TM2D3: variants seen among roughly 807,000 people sequenced by gnomAD.
The protein encoded by TM2D3 is TM2 domain containing 3, also known as TM2 domain-containing protein 3.
Under a neutral mutation model 27.3 loss-of-function variants are expected in TM2D3, and 33 were observed. The observed-to-expected ratio is 1.21, with a 90% CI of 0.92 to 1.61. The LOEUF is 1.61. TM2D3 is among the 40% of genes most tolerant of loss of function. TM2D3 has a pLI of 0.00. For missense variants in TM2D3, 364 were observed against 320.8 expected, an observed-to-expected ratio of 1.13 and a Z score of -1.03; for synonymous variants, 138 against 122.2, an observed-to-expected ratio of 1.13 and a Z score of -0.85.
intron 2 of TM2D3, 102 bp from the exon 3 acceptor site, chr15:101,650,263 C>A (rs1896934738): frequency 8.3e-7 from 1 of 1,199,730 alleles, no homozygotes; most frequent in South Asian, 1.6e-5. Context: ...CAAGTAGACA[C>A]TGCACTGGAA....
intron 2 of TM2D3, 134 bp from the exon 3 acceptor site, chr15:101,650,295 G>A (rs1896935890): frequency 1.2e-6 from 1 of 845,362 alleles, no homozygotes; most frequent in Non-Finnish European, 1.8e-6. Context: ...TGGGACTGGA[G>A]TCAGAGACAC....
chr15:101,642,478 G>A lies in TM2D3; in HGVS notation c.*1C>T, dbSNP rs754621554. 24 of 1,607,110 alleles carry A rather than the reference G, an allele frequency of 1.5e-5. No homozygotes were observed. Among genetic ancestry groups the A allele is most frequent in the East Asian group, 2.2e-5 (1 of 44,568 alleles). ...GCTCCTTTCTGAAGCACACACCACA[G>A]CTAAATGTACAAAGAGCCATCTGCT... On this transcript the variant is annotated 3_prime_UTR_variant, in exon 6 of 6. Coordinates refer to ENST00000333202, the MANE Select transcript of TM2D3 (RefSeq NM_078474.3).
chr15:101,633,859 A>G, intron 4 of TM2D3: 1 of 728,834 alleles, frequency 1.4e-6, no homozygotes, highest in Non-Finnish European at 2.1e-6. Flanking sequence ...GATTGAGAAG[A>G]GATGATCAAA....
downstream of TM2D3, among the ~76,000 whole-genome samples, chr15:101,639,341 G>C (rs1185111898): frequency 6.6e-6 from 1 of 151,278 alleles, no homozygotes; most frequent in Non-Finnish European, 1.5e-5. Context: ...GGAAGCTTTA[G>C]AGCAGGAGCG....
chr15:101,638,310 T>G (rs1567309001), downstream of TM2D3, among the ~76,000 whole-genome samples: 6 of 151,820 alleles, frequency 4.0e-5, no homozygotes. Context: ...TTTTTTTTTT[T>G]GGAGACAGAG....
intron 4 of TM2D3, chr15:101,645,764 C>G (rs1173072385): frequency 6.6e-6 from 1 of 151,054 alleles, no homozygotes; most frequent in Non-Finnish European, 1.5e-5. Flanking sequence ...CTAATAACTT[C>G]CAGTAATTAT....
chr15:101,638,316 CAG>C (rs1466770134), downstream of TM2D3, among the ~76,000 whole-genome samples: 1 of 150,200 alleles, frequency 6.7e-6, no homozygotes, highest in Non-Finnish European at 1.5e-5. Context: ...TTTTTGGAGA[CAG>C]AGTTTCGCTC....
At chr15:101,651,900 C>A in intron 1 of TM2D3, 127 bp from the exon 2 acceptor site, 1 of 953,792 alleles carries the variant, frequency 1.0e-6, no homozygotes, top group South Asian at 1.3e-5. Flanking sequence ...CACGGCTGGT[C>A]AGCCAGAAAA....
chr15:101,646,317 T>A (rs944502959), intron 4 of TM2D3: 1 of 171,528 alleles, frequency 5.8e-6, no homozygotes, highest in Non-Finnish European at 1.3e-5. Context: ...ACAATAAAAC[T>A]ACAGAAAAAA....
chr15:101,648,764 C>T (rs1426294921), intron 3 of TM2D3, among the ~76,000 whole-genome samples: 2 of 152,218 alleles, frequency 1.3e-5, no homozygotes, highest in Non-Finnish European at 1.5e-5. Flanking sequence ...TACACGTGTA[C>T]CATAAATTAA....
Position 101,650,241 on chromosome 15 carries a change from C to T in TM2D3, c.170-80G>A, listed in dbSNP as rs1896933857. 8 of 1,423,072 alleles carry T rather than the reference C, an allele frequency of 5.6e-6. 1 individual carries two copies. Among genetic ancestry groups the T allele is most frequent in the South Asian group, 5.3e-5 (4 of 75,506 alleles). The allele number at this position is 1,423,072 out of a possible 1,614,324, so 88.2% of individuals were successfully genotyped here. A position where few individuals can be genotyped will look rare whatever the true frequency, so the allele number is the denominator to read the frequency against. On this transcript the variant is annotated intron_variant, in intron 2 of 5. Coordinates refer to ENST00000333202, the MANE Select transcript of TM2D3 (RefSeq NM_078474.3). ...AGAACAATCTTCTAAGGTTAAGAGA[C>T]GTGATCATTAGCAAGTAGACACTGC... is the stretch of plus-strand genomic sequence containing the variant.
intron 5 of TM2D3, among the ~76,000 whole-genome samples, chr15:101,644,121 C>T (rs1333755306): frequency 6.6e-6 from 1 of 152,212 alleles, no homozygotes; most frequent in Non-Finnish European, 1.5e-5. Flanking sequence ...GCTGGGATTA[C>T]AGGTGTGAGC....
At chr15:101,649,286 A>G (rs1896905141) in intron 3 of TM2D3, among the ~76,000 whole-genome samples, 8 of 151,502 alleles carry the variant, frequency 5.3e-5, no homozygotes, top group Admixed American at 5.3e-4. Context: ...CTAGTTTGCC[A>G]TGTCTTTTGC....
At position 101,645,320 on chromosome 15, in the gene TM2D3, T is replaced by C. The variant is rs375324715; in HGVS notation, c.503-158A>G. The stretch of plus-strand genomic sequence containing the variant: ...GAGTACAAAGCGCTTACCATCTATC[T>C]ACATAGATGTAATATTTAAATCAGC... On this transcript the variant is annotated intron_variant, in intron 4 of 5. Coordinates refer to ENST00000333202, the MANE Select transcript of TM2D3 (RefSeq NM_078474.3). The C allele has an allele frequency of 9.7e-6, 6 of 618,940 alleles. 1 individual carries two copies. 38.3% of individuals were successfully genotyped at this position (618,940 alleles called of 1,614,324 possible).
intron 1 of TM2D3, 79 bp from the exon 2 acceptor site, chr15:101,651,852 G>C: frequency 2.7e-6 from 4 of 1,461,074 alleles, no homozygotes; most frequent in East Asian, 2.3e-5. Context: ...TTAACACGGC[G>C]GGTCTACACC....
chr15:101,647,956 G>A (rs1245749058), intron 3 of TM2D3, among the ~76,000 whole-genome samples: 2 of 151,862 alleles, frequency 1.3e-5, no homozygotes, highest in East Asian at 3.9e-4. Flanking sequence ...GGAATGCGGT[G>A]GTGCAATCTC....
chr15:101,634,566 T>G (rs1483503354), intron 4 of TM2D3: 1 of 152,106 alleles, frequency 6.6e-6, no homozygotes, highest in Non-Finnish European at 1.5e-5. Flanking sequence ...GATAGAAAAA[T>G]GCTGAAAAAT....
At chr15:101,638,893 T>C (rs141752242), downstream of TM2D3, among the ~76,000 whole-genome samples, 436 of 152,260 alleles carry the variant, frequency 2.9e-3, 1 homozygote, top group African/African-American at 0.01. Context: ...TTTTAGGTGT[T>C]TAGCTTACTC....
intron 2 of TM2D3, chr15:101,651,128 ATC>A (rs1896955586): frequency 6.5e-6 from 1 of 152,890 alleles, no homozygotes; most frequent in Admixed American, 6.5e-5. Flanking sequence ...ACTCTTTTTG[ATC>A]CCGTGACTAT....
Sources: gnomAD v4.1 joint callset for allele counts (sites outside exome capture counted in the v4.1 genomes callset) on GRCh38, gnomAD v4.1.1 for gene constraint, MANE v1.5 for transcripts, NCBI Gene and HGNC (gene_info 2026-07-23, HGNC 2026-07-21) for gene names.